RSPO3: variants seen among roughly 807,000 people sequenced by gnomAD.
RSPO3 encodes the protein R-spondin-3.
Under a neutral mutation model 36.5 loss-of-function variants are expected in RSPO3, and 17 were observed. That is an observed-to-expected ratio of 0.47 (90% CI 0.32 to 0.70). The LOEUF is 0.70. Ranked by LOEUF, RSPO3 falls within the 30% of genes least tolerant of loss-of-function variation. The probability of loss-of-function intolerance (pLI) is 0.04; values close to 1 mark genes in which losing one functional copy is unlikely to be tolerated. For synonymous variants in RSPO3, 108 were observed against 107.0 expected, an observed-to-expected ratio of 1.01 and a Z score of -0.06; for missense variants, 294 against 322.5, an observed-to-expected ratio of 0.91 and a Z score of 0.68.
rs7759196 is a variant in RSPO3, at chr6:127,138,066, A to G, written c.98-10582A>G. On this transcript the variant is annotated intron_variant, in intron 1 of 4. Transcript: ENST00000356698. ...GTCAGATTCACCTGGGATGCTTCTTATCAATGCAGTTACCTAAATCCACTG... is the reference window on the plus strand; with the variant it reads ...GTCAGATTCACCTGGGATGCTTCTTGTCAATGCAGTTACCTAAATCCACTG... 4.6e-3 allele frequency among the ~76,000 whole-genome samples: 702 copies of G among 152,276 alleles called. 5 individuals carry two copies. The highest frequency in any genetic ancestry group is 0.016 in the African/African-American group (656 of 41,550).
intron 1 of RSPO3, among the ~76,000 whole-genome samples, chr6:127,120,193 T>C (rs541237499): frequency 9.9e-5 from 15 of 152,270 alleles, no homozygotes; most frequent in Admixed American, 3.3e-4. Flanking sequence ...AGCCTCAACC[T>C]GGGTTGGTCT....
intron 4 of RSPO3, among the ~76,000 whole-genome samples, chr6:127,190,903 G>A (rs1480122462): frequency 2.0e-5 from 3 of 152,146 alleles, no homozygotes; most frequent in Non-Finnish European, 2.9e-5. Flanking sequence ...TTACAGTTGT[G>A]ATTCTAGGGA....
chr6:127,161,823 G>T (rs1370567182), intron 4 of RSPO3, among the ~76,000 whole-genome samples: 2 of 152,146 alleles, frequency 1.3e-5, no homozygotes, highest in African/African-American at 4.8e-5. Context: ...TAGAGTGGTA[G>T]CATTCTTCAG....
chr6:127,136,483 T>C (rs1326793306), intron 1 of RSPO3, among the ~76,000 whole-genome samples: 1 of 152,200 alleles, frequency 6.6e-6, no homozygotes, highest in Non-Finnish European at 1.5e-5. Flanking sequence ...GATCCTGAGC[T>C]GGAAAAGTAT....
intron 1 of RSPO3, among the ~76,000 whole-genome samples, chr6:127,145,514 T>A (rs1364547150): frequency 6.6e-6 from 1 of 152,152 alleles, no homozygotes; most frequent in East Asian, 1.9e-4. Context: ...TATTTTATAC[T>A]TCCAATCTTC....
At chr6:127,119,911 CG>C (rs985920832) in intron 1 of RSPO3, 1 of 152,380 alleles carries the variant, frequency 6.6e-6, no homozygotes, top group Non-Finnish European at 1.5e-5. Context: ...GCAGAGCTGC[CG>C]GACGTCCCCC....
intron 1 of RSPO3, among the ~76,000 whole-genome samples, chr6:127,147,808 T>C (rs980414283): frequency 9.9e-5 from 15 of 152,150 alleles, no homozygotes; most frequent in African/African-American, 2.9e-4. Flanking sequence ...TCACCAAATA[T>C]ACATTTCACT....
chr6:127,122,080 G>C (rs1773857448), intron 1 of RSPO3, among the ~76,000 whole-genome samples: 1 of 152,160 alleles, frequency 6.6e-6, no homozygotes, highest in Non-Finnish European at 1.5e-5. Context: ...ATATTGTCAT[G>C]TCCAAAGAAT....
chr6:127,187,145 G>T (rs904464851), intron 4 of RSPO3, among the ~76,000 whole-genome samples: 1 of 152,006 alleles, frequency 6.6e-6, no homozygotes, highest in Non-Finnish European at 1.5e-5. Flanking sequence ...GAGTACGAGT[G>T]TTACAAAAAA....
At chr6:127,177,551 C>A (rs193222427) in intron 4 of RSPO3, among the ~76,000 whole-genome samples, 4 of 151,912 alleles carry the variant, frequency 2.6e-5, no homozygotes, top group Admixed American at 2.6e-4. Flanking sequence ...AAGTGCTGAT[C>A]ATAAGACTTA....
chr6:127,190,369 A>C (rs1272756218), intron 4 of RSPO3, among the ~76,000 whole-genome samples: 3 of 152,162 alleles, frequency 2.0e-5, no homozygotes, highest in Non-Finnish European at 4.4e-5. Flanking sequence ...CAGAGGTTGC[A>C]GTGAGCCAGG....
intron 1 of RSPO3, among the ~76,000 whole-genome samples, chr6:127,127,286 A>G (rs187336314): frequency 1.2e-4 from 19 of 152,194 alleles, no homozygotes; most frequent in Admixed American, 1.2e-3. Context: ...TGTTCTACAA[A>G]GAGACTTCAA....
chr6:127,143,984 T>C (rs1774329596), intron 1 of RSPO3, among the ~76,000 whole-genome samples: 1 of 152,208 alleles, frequency 6.6e-6, no homozygotes. Flanking sequence ...TTAGGAATGG[T>C]TGCATCAGTT....
At chr6:127,151,560 AG>A (rs1774491760) in intron 3 of RSPO3, among the ~76,000 whole-genome samples, 1 of 152,076 alleles carries the variant, frequency 6.6e-6, no homozygotes, top group Non-Finnish European at 1.5e-5. Context: ...TCCCCATCTT[AG>A]GGGTCCCTTA....
chr6:127,189,809 C>T (rs944052709), intron 4 of RSPO3, among the ~76,000 whole-genome samples: 2 of 152,026 alleles, frequency 1.3e-5, no homozygotes, highest in African/African-American at 4.8e-5. Context: ...CAATAGAATT[C>T]GTGTGTAACC....
At chr6:127,157,572 G>A (rs991816711) in intron 4 of RSPO3, among the ~76,000 whole-genome samples, 41 of 151,992 alleles carry the variant, frequency 2.7e-4, no homozygotes, top group African/African-American at 9.4e-4. Context: ...TTTCTGATTT[G>A]TTTTCTTCCC....
intron 4 of RSPO3, among the ~76,000 whole-genome samples, chr6:127,183,067 C>T (rs563532612): frequency 7.8e-4 from 118 of 152,040 alleles, no homozygotes; most frequent in Non-Finnish European, 1.2e-3. Flanking sequence ...TCCAAACAAT[C>T]GCAAAAACTT....
chr6:127,153,537 G>A (rs13204656), intron 3 of RSPO3, among the ~76,000 whole-genome samples: 1 of 151,680 alleles, frequency 6.6e-6, no homozygotes, highest in Non-Finnish European at 1.5e-5. Context: ...AAGGTTGTCC[G>A]TAGAATTTAA....
intron 1 of RSPO3, among the ~76,000 whole-genome samples, chr6:127,143,307 A>G (rs867614886): frequency 6.6e-6 from 1 of 152,110 alleles, no homozygotes; most frequent in Non-Finnish European, 1.5e-5. Context: ...CGTACAGTCA[A>G]TGTGAGCACA....
Sources: gnomAD v4.1 joint callset for allele counts (sites outside exome capture counted in the v4.1 genomes callset) on GRCh38, gnomAD v4.1.1 for gene constraint, MANE v1.5 for transcripts, NCBI Gene and HGNC (gene_info 2026-07-23, HGNC 2026-07-21) for gene names.